AGMO: variants seen among roughly 807,000 people sequenced by gnomAD.
AGMO encodes glyceryl-ether monooxygenase.
AGMO carries 75 observed loss-of-function variants against 60.2 expected under a neutral mutation model. The ratio of observed to expected loss-of-function variants is 1.25; its 90% confidence interval spans 1.03 to 1.51. The LOEUF is 1.51. Ranked by LOEUF, AGMO falls within the 40% of genes most tolerant of loss-of-function variation. The pLI is 0.00. For synonymous variants in AGMO, 261 were observed against 177.1 expected, an observed-to-expected ratio of 1.47 and a Z score of -3.76; for missense variants, 763 against 525.5, an observed-to-expected ratio of 1.45 and a Z score of -4.42.
chr7:15,515,473 C>G (rs1163622531), intron 3 of AGMO, among the ~76,000 whole-genome samples: 1 of 152,182 alleles, frequency 6.6e-6, no homozygotes, highest in Non-Finnish European at 1.5e-5. Flanking sequence ...CGTTAAATCC[C>G]TGGAATTAGA....
chr7:15,390,522 A>T (rs1405493794), intron 8 of AGMO, 149 bp downstream of exon 8: 2 of 512,130 alleles, frequency 3.9e-6, no homozygotes, highest in East Asian at 6.4e-5. Context: ...TGCTTGTGTA[A>T]CAAAGAGTTA....
chr7:15,441,450 GATTTT>G (rs1313335313), intron 3 of AGMO, among the ~76,000 whole-genome samples: 1 of 152,112 alleles, frequency 6.6e-6, no homozygotes, highest in African/African-American at 2.4e-5. Flanking sequence ...TGCAGTTAAG[GATTTT>G]ATCATGCTTA....
Position 15,285,601 on chromosome 7 carries a change from G to A in AGMO, c.1263+79913C>T, listed in dbSNP as rs377204671. On this transcript the variant is annotated intron_variant, in intron 12 of 12. Transcript: ENST00000342526. ...CACAAACAAATGGAAACATATCCCA[G>A]GCCCTTGGATTGGCAGAATCAATAT... 2.4e-3 allele frequency among the ~76,000 whole-genome samples: 361 copies of A among 152,044 alleles called. 2 individuals are homozygous for A. Among genetic ancestry groups the A allele is most frequent in the African/African-American group, 8.5e-3 (351 of 41,526 alleles).
intron 5 of AGMO, chr7:15,396,366 G>T (rs1262964739): frequency 6.6e-6 from 1 of 152,208 alleles, no homozygotes; most frequent in South Asian, 2.1e-4. Flanking sequence ...GATCTTCACA[G>T]TGAGTGTTAC....
chr7:15,140,116 A>G, the AGMO span, among the ~76,000 whole-genome samples: 1 of 151,624 alleles, frequency 6.6e-6, no homozygotes, highest in Non-Finnish European at 1.5e-5. Context: ...AAAGTAAAAA[A>G]TATGCCATAA....
chr7:15,377,619 A>G (rs1413496541), intron 10 of AGMO, among the ~76,000 whole-genome samples: 1 of 152,050 alleles, frequency 6.6e-6, no homozygotes, highest in Non-Finnish European at 1.5e-5. Context: ...TTTATTTAAT[A>G]CAACTAAGAA....
At chr7:15,140,364 T>C in the AGMO span, among the ~76,000 whole-genome samples, 1 of 152,116 alleles carries the variant, frequency 6.6e-6, no homozygotes, top group Non-Finnish European at 1.5e-5. Flanking sequence ...TTTTAAGATA[T>C]TTATTTTTTC....
chr7:15,357,051 G>T (rs1305307742), intron 12 of AGMO, among the ~76,000 whole-genome samples: 1 of 151,640 alleles, frequency 6.6e-6, no homozygotes, highest in African/African-American at 2.4e-5. Flanking sequence ...TTAAACCTGG[G>T]AGGCGGAGGA....
chr7:15,370,858 T>TA (rs1783181398), intron 10 of AGMO, among the ~76,000 whole-genome samples: 2 of 152,198 alleles, frequency 1.3e-5, no homozygotes, highest in South Asian at 4.1e-4. Context: ...ACTCTGTTGA[T>TA]AGTTTCTTTT....
chr7:15,553,695 C>G (rs528121397), intron 2 of AGMO, among the ~76,000 whole-genome samples: 1 of 152,030 alleles, frequency 6.6e-6, no homozygotes, highest in East Asian at 1.9e-4. Context: ...CCTAGAAAAA[C>G]TTCCATTTGT....
chr7:15,428,000 C>T (rs1156807062), intron 4 of AGMO, among the ~76,000 whole-genome samples: 1 of 152,148 alleles, frequency 6.6e-6, no homozygotes, highest in African/African-American at 2.4e-5. Flanking sequence ...TTTCACATTT[C>T]AATGTGAAAT....
At chr7:15,287,093 T>TA (rs1209241670) in intron 12 of AGMO, among the ~76,000 whole-genome samples, 2 of 151,870 alleles carry the variant, frequency 1.3e-5, no homozygotes, top group African/African-American at 4.8e-5. Context: ...GAGAGGGAGG[T>TA]AAGGGATAGA....
At chr7:15,210,055 A>T (rs4510741) in intron 12 of AGMO, among the ~76,000 whole-genome samples, 13,154 of 152,242 alleles carry the variant, frequency 0.086, 810 homozygotes, top group Non-Finnish European at 0.12. Context: ...TTTTATTATT[A>T]AAACAAAGAT....
At chr7:15,220,208 CTTTTTTT>C (rs904364065) in intron 12 of AGMO, among the ~76,000 whole-genome samples, 19 of 109,518 alleles carry the variant, frequency 1.7e-4, no homozygotes, top group Non-Finnish European at 2.9e-4. Context: ...CTGACTGTGC[CTTTTTTT>C]TTTTTTTTTT....
At chr7:15,336,678 G>A (rs1451172531) in intron 12 of AGMO, among the ~76,000 whole-genome samples, 1 of 152,178 alleles carries the variant, frequency 6.6e-6, no homozygotes, top group Middle Eastern at 3.4e-3. Context: ...TTGTAATTCT[G>A]CTACTTTGTG....
intron 12 of AGMO, among the ~76,000 whole-genome samples, chr7:15,317,868 CGT>C (rs1563083619): frequency 7.0e-6 from 1 of 143,048 alleles, no homozygotes; most frequent in Non-Finnish European, 1.5e-5. Flanking sequence ...CACACACACA[CGT>C]ATATATATAT....
intron 12 of AGMO, among the ~76,000 whole-genome samples, chr7:15,341,286 T>G (rs1271484485): frequency 6.6e-6 from 1 of 152,200 alleles, no homozygotes; most frequent in Admixed American, 6.5e-5. Flanking sequence ...AATGCTTTGC[T>G]ACTTAGAAAT....
chr7:15,217,465 T>C (rs1781775220), intron 12 of AGMO, among the ~76,000 whole-genome samples: 1 of 151,890 alleles, frequency 6.6e-6, no homozygotes, highest in Non-Finnish European at 1.5e-5. Flanking sequence ...ACACCACAAA[T>C]ATAAAAAGTA....
intron 4 of AGMO, among the ~76,000 whole-genome samples, chr7:15,424,269 C>A (rs535526209): frequency 1.3e-5 from 2 of 152,198 alleles, no homozygotes; most frequent in East Asian, 3.9e-4. Context: ...TCTTACTTAT[C>A]TTTATATCCC....
Sources: allele counts gnomAD v4.1 joint callset (sites outside exome capture counted in the v4.1 genomes callset), GRCh38; gene constraint gnomAD v4.1.1; transcripts MANE v1.5; gene names NCBI Gene and HGNC (gene_info 2026-07-23, HGNC 2026-07-21).